Variants in TBX1 observed in about 807,000 individuals in gnomAD.
TBX1 encodes T-box transcription factor TBX1.
Under a neutral mutation model 40.8 loss-of-function variants are expected in TBX1, and 16 were observed. The ratio of observed to expected loss-of-function variants is 0.39; its 90% CI spans 0.27 to 0.60. The LOEUF (loss-of-function observed/expected upper bound fraction) is 0.60, where lower values mean the gene tolerates loss of function less well. TBX1 is among the 20% of genes least tolerant of loss of function. The pLI, the probability that TBX1 is intolerant of heterozygous loss-of-function variation, is 0.51. For missense variants in TBX1, 755 were observed against 728.5 expected (o/e 1.04, Z -0.42); for synonymous variants, 403 against 336.8 (o/e 1.20, Z -2.15).
chr22:19,766,743 A>G lies in TBX1; in HGVS notation c.1391A>G (p.His464Arg), dbSNP rs1199132815. The change falls in exon 7 of 7, where the codon CAC becomes CGC. Residue 464 changes from histidine to arginine, a missense_variant. Transcript: ENST00000649276. ...GYHPHAHPHH[H>R]HHPVSPAAAA... ...CACCCGCACGCGCATCCGCACCACC[A>G]CCACCACCCCGTGAGTCCAGCCGCC... is the stretch of plus-strand genomic sequence containing the variant. The G allele has an allele frequency of 1.3e-6, 2 of 1,534,768 alleles. No homozygotes were observed. The highest frequency in any genetic ancestry group is 1.4e-5 in the African/African-American group (1 of 69,048).
intron 8 of TBX1, among the ~76,000 whole-genome samples, chr22:19,776,540 A>G (rs1406510800): frequency 6.6e-6 from 1 of 152,122 alleles, no homozygotes; most frequent in African/African-American, 2.4e-5. Flanking sequence ...GGGCCACCCC[A>G]GGGCCAGGCC....
At position 19,766,939 on chromosome 22, in the gene TBX1, C is replaced by T; in HGVS notation, c.*72C>T. The T allele has an allele frequency of 6.5e-7, 1 of 1,545,606 alleles. No individual in the cohort carries two copies. Among genetic ancestry groups the T allele is most frequent in the Non-Finnish European group, 8.7e-7 (1 of 1,155,680 alleles). ...TTCGCCGGGCCCGGCCACCCTGCCC[C>T]AAGGGCAAGCAAGGAATACGTTCCC... On this transcript the variant is annotated 3_prime_UTR_variant, in exon 7 of 7. Transcript: ENST00000649276.
chr22:19,757,382 G>C (rs756218013), upstream of TBX1, among the ~76,000 whole-genome samples: 9 of 152,172 alleles, frequency 5.9e-5, no homozygotes, highest in Non-Finnish European at 1.3e-4. Context: ...CCTCTGGACC[G>C]ATCCTTGAGC....
At position 19,766,429 on chromosome 22, in the gene TBX1, C is replaced by G; in HGVS notation, c.1077C>G (p.Gly359=). The change falls in exon 7 of 7, where the codon GGC becomes GGG. Residue 359 remains glycine, a synonymous_variant. Transcript: ENST00000649276. ...GGCGAGAATTCCAGCGCGACGCGGG[C>G]GGGCCAGCAGTGCTCGGGGACCCGG... The part of the protein sequence containing the change: ...EARREFQRDA[G]GPAVLGDPAH... 1 of 1,342,066 alleles carries G rather than the reference C, an allele frequency of 7.5e-7. No individual in the cohort carries two copies. Among genetic ancestry groups the G allele is most frequent in the Non-Finnish European group, 9.6e-7 (1 of 1,041,666 alleles). 83.1% of individuals were successfully genotyped at this position (1,342,066 alleles called of 1,614,324 possible).
intron 8 of TBX1, among the ~76,000 whole-genome samples, chr22:19,778,801 C>T (rs41298002): frequency 3.3e-5 from 5 of 152,124 alleles, no homozygotes; most frequent in Admixed American, 2.0e-4. Flanking sequence ...TGCCTGTAAT[C>T]CCAGCTACTT....
rs1936812655 is a variant in TBX1 at position 19,765,790 on chromosome 22, C to A, written c.900C>A (p.Phe300Leu). Residue 300 changes from phenylalanine to leucine, a missense_variant, in exon 5 of 7, where the codon TTC (phenylalanine) becomes TTA (leucine). By Grantham distance (22) the Phe-to-Leu change is conservative. This residue lies in a region of TBX1 where 144 missense variants were observed against 238.0 expected (regional missense o/e 0.61). Transcript: ENST00000649276. ...ITQLKIASNPFAKGFRDCDPE... is the reference protein window; with the variant it reads ...ITQLKIASNPLAKGFRDCDPE... ...AGCTCAAGATTGCCAGCAATCCCTTCGCGAAAGGCTTCCGGGACTGTGACC... is the reference window on the plus strand; with the variant it reads ...AGCTCAAGATTGCCAGCAATCCCTTAGCGAAAGGCTTCCGGGACTGTGACC... 1.2e-6 allele frequency: 2 copies of A among 1,611,520 alleles called. No individual in the cohort carries two copies. Among genetic ancestry groups the A allele is most frequent in the Non-Finnish European group, 1.7e-6 (2 of 1,179,242 alleles).
At chr22:19,779,559 G>C, downstream of TBX1, 1 of 1,480,704 alleles carries the variant, frequency 6.8e-7, no homozygotes, top group Non-Finnish European at 9.0e-7. Flanking sequence ...CTTCTCCATA[G>C]AGTCACACTC....
Position 19,767,211 on chromosome 22 carries a change from G to A in TBX1, c.*344G>A, listed in dbSNP as rs1392348065. ...AGACCGCGTCGCCCGCGGCCCGGCC[G>A]GCAGTTGCAGTGTAGACAGCCCGAG... On this transcript the variant is annotated 3_prime_UTR_variant, in exon 7 of 7. Transcript: ENST00000649276. 2.7e-6 allele frequency: 3 copies of A among 1,098,292 alleles called. No individual in the cohort carries two copies. Among genetic ancestry groups the A allele is most frequent in the African/African-American group, 1.7e-5 (1 of 60,008 alleles). The allele number at this position is 1,098,292 out of a possible 1,614,324, so 68.0% of individuals were successfully genotyped here.
At chr22:19,756,811 G>A (rs1167195476), upstream of TBX1, 1 of 152,422 alleles carries the variant, frequency 6.6e-6, no homozygotes, top group Non-Finnish European at 1.5e-5. Flanking sequence ...CGGAACCCGC[G>A]TGTGCCGGGC....
chr22:19,759,019 C>T (rs1398820652), upstream of TBX1, among the ~76,000 whole-genome samples: 2 of 152,038 alleles, frequency 1.3e-5, no homozygotes, highest in African/African-American at 2.4e-5. Flanking sequence ...GAGGTGGAGG[C>T]GGGAGGGGCC....
At chr22:19,760,218 T>G (rs1383229606), upstream of TBX1, among the ~76,000 whole-genome samples, 7 of 131,240 alleles carry the variant, frequency 5.3e-5, no homozygotes, top group African/African-American at 1.9e-4. Context: ...TTTAGTTTTT[T>G]TTTTTTTAAA....
upstream of TBX1, chr22:19,759,508 C>A (rs1035194407): frequency 2.5e-4 from 370 of 1,510,092 alleles, no homozygotes; most frequent in Non-Finnish European, 2.6e-4. Flanking sequence ...ACGCGCGGAG[C>A]CCGCTGTCTC....
Position 19,766,660 on chromosome 22 carries a change from CG to C in TBX1, c.1312del (p.Ala438ProfsTer31). ...YPAAAYDHYLGAKSRPAPYPL... is the reference protein window; with the variant it reads ...YPAAAYDHYLXAKSRPAPYPL... ...CGGCCGCCGCCTACGACCACTATCTCGGGGCCAAGAGCCGGCCGGCGCCCTA... is the reference window on the plus strand; with the variant it reads ...CGGCCGCCGCCTACGACCACTATCTCGGGCCAAGAGCCGGCCGGCGCCCTA... On this transcript the variant is annotated frameshift_variant, in exon 7 of 7. Coordinates refer to ENST00000649276, the MANE Select transcript of TBX1 (RefSeq NM_001379200.1). LOFTEE classifies it high-confidence loss of function. 1 of 1,553,926 alleles carries C rather than the reference CG, an allele frequency of 6.4e-7. No homozygotes were observed. Among genetic ancestry groups the C allele is most frequent in the Non-Finnish European group, 8.6e-7 (1 of 1,158,332 alleles).
downstream of TBX1, among the ~76,000 whole-genome samples, chr22:19,768,205 C>T (rs1340224626): frequency 6.6e-6 from 1 of 152,210 alleles, no homozygotes; most frequent in Non-Finnish European, 1.5e-5. Flanking sequence ...GTGCCTGTCC[C>T]AGTGTGTTTG....
chr22:19,765,184 G>T, intron 4 of TBX1, 71 bp downstream of exon 4: 1 of 1,608,426 alleles, frequency 6.2e-7, no homozygotes, highest in South Asian at 1.1e-5. Flanking sequence ...TTCAGTTGCC[G>T]TTTGGGGACA....
chr22:19,765,544 G>A (rs1430003323), intron 4 of TBX1, among the ~76,000 whole-genome samples: 3 of 152,124 alleles, frequency 2.0e-5, no homozygotes. Context: ...ACCAGAGAGG[G>A]GTTCCCTAGT....
chr22:19,759,090 C>T (rs2145823440), upstream of TBX1, among the ~76,000 whole-genome samples: 1 of 152,256 alleles, frequency 6.6e-6, no homozygotes, highest in Middle Eastern at 3.4e-3. Context: ...GCCCTGCCAC[C>T]TCGGGCTAGG....
At chr22:19,777,018 G>A (rs1473340026) in intron 8 of TBX1, among the ~76,000 whole-genome samples, 2 of 152,110 alleles carry the variant, frequency 1.3e-5, no homozygotes, top group Non-Finnish European at 2.9e-5. Flanking sequence ...TACAGAGGGC[G>A]CATGTTATTG....
chr22:19,782,167 A>G (rs1277825252), downstream of TBX1, among the ~76,000 whole-genome samples: 2 of 152,222 alleles, frequency 1.3e-5, no homozygotes, highest in African/African-American at 2.4e-5. Flanking sequence ...GAATTTCAAA[A>G]TGGCTTTTTC....
Sources: gnomAD v4.1 joint callset for allele counts (sites outside exome capture counted in the v4.1 genomes callset) on GRCh38, gnomAD v4.1.1 for gene constraint, gnomAD v4.1.1 regional missense constraint, MANE v1.5 for transcripts, NCBI Gene and HGNC (gene_info 2026-07-23, HGNC 2026-07-21) for gene names.